The following GEMIN5 variants were observed in gnomAD, a reference collection of about 807,000 sequenced individuals.
The protein encoded by GEMIN5 is gem nuclear organelle associated protein 5, also known as gem-associated protein 5.
In GEMIN5, 124 loss-of-function variants were observed where a neutral mutation model predicts 176.9. That is an observed-to-expected ratio of 0.70 (90% CI 0.61 to 0.81). The LOEUF (loss-of-function observed/expected upper bound fraction) is 0.81. Ranked by LOEUF, GEMIN5 falls within the 40% of genes least tolerant of loss-of-function variation. GEMIN5 has a pLI of 0.00. For missense variants in GEMIN5, 1,843 were observed against 1,814.6 expected, an observed-to-expected ratio of 1.02 and a Z score of -0.28; for synonymous variants, 673 against 665.2, an observed-to-expected ratio of 1.01 and a Z score of -0.18.
chr5:154,914,635 T>A lies in GEMIN5; in HGVS notation c.1856-1597A>T, dbSNP rs529089111. On this transcript the variant is annotated intron_variant, in intron 13 of 27. Coordinates refer to ENST00000285873, the MANE Select transcript of GEMIN5 (RefSeq NM_015465.5). Reference sequence around the variant, plus strand: ...CTCAAGGGATCCTCCCACCTCAGCCTGTGAGTAACTGGGCCTATAGGTACC... The same window carrying A: ...CTCAAGGGATCCTCCCACCTCAGCCAGTGAGTAACTGGGCCTATAGGTACC... 5.3e-5 allele frequency among the ~76,000 whole-genome samples: 8 copies of A among 151,936 alleles called. No homozygotes were observed. In the East Asian group the frequency reaches 1.5e-3, roughly 29 times the overall value.
At chr5:154,914,247 C>T (rs890193206) in intron 13 of GEMIN5, among the ~76,000 whole-genome samples, 53 of 152,270 alleles carry the variant, frequency 3.5e-4, no homozygotes, top group Middle Eastern at 3.4e-3. Flanking sequence ...TTTCGAACTC[C>T]GGACCTCAGG....
Position 154,892,510 on chromosome 5 carries a change from G to C in GEMIN5, c.3637C>G (p.Leu1213Val). ...HICHDLTLAV[L>V]SQQMASWDEA... ...TCCCAGGAGGCCATCTGTTGGCTCA[G>C]CACTGCCAGGGTCAAGTCATGGCAA... Residue 1213 changes from leucine (L) to valine (V), a missense_variant, in exon 25 of 28, where the codon CTG becomes GTG. Coordinates refer to ENST00000285873, the MANE Select transcript of GEMIN5 (RefSeq NM_015465.5). 2 of 1,614,192 alleles carry C rather than the reference G, an allele frequency of 1.2e-6. No homozygotes were observed. Among genetic ancestry groups the C allele is most frequent in the Non-Finnish European group, 1.7e-6 (2 of 1,180,026 alleles).
chr5:154,925,208 A>G (rs2113502763), intron 8 of GEMIN5, among the ~76,000 whole-genome samples: 1 of 152,342 alleles, frequency 6.6e-6, no homozygotes, highest in South Asian at 2.1e-4. Flanking sequence ...TTTAGAAAAT[A>G]CAGTTCTATT....
At chr5:154,906,628 C>T (rs998089899) in intron 16 of GEMIN5, among the ~76,000 whole-genome samples, 14 of 152,090 alleles carry the variant, frequency 9.2e-5, no homozygotes, top group African/African-American at 3.1e-4. Context: ...CCAGGCTGGC[C>T]TCAAGCGGTT....
chr5:154,888,194 C>T lies in GEMIN5; in HGVS notation c.*16G>A. 3 of 1,613,042 alleles carry T rather than the reference C, an allele frequency of 1.9e-6. No individual in the cohort carries two copies. Among genetic ancestry groups the T allele is most frequent in the Non-Finnish European group, 2.5e-6 (3 of 1,179,094 alleles). On this transcript the variant is annotated 3_prime_UTR_variant, in exon 28 of 28. Transcript: ENST00000285873. ...AACATTTTCAATTTGGCAGTTTCTT[C>T]AAGGTGTGTGAAAATTCACATACAG...
chr5:154,901,286 G>A, intron 21 of GEMIN5, 53 bp downstream of exon 21: 1 of 1,495,010 alleles, frequency 6.7e-7, no homozygotes. Context: ...GAGAAGTTTA[G>A]GTTATTTTCA....
chr5:154,936,283 G>A (rs1375434940), intron 2 of GEMIN5, among the ~76,000 whole-genome samples: 1 of 152,132 alleles, frequency 6.6e-6, no homozygotes, highest in East Asian at 1.9e-4. Context: ...CGGGCGTGGT[G>A]GTGGGCTCCT....
intron 9 of GEMIN5, among the ~76,000 whole-genome samples, chr5:154,922,995 C>G (rs1018370146): frequency 3.3e-5 from 5 of 152,102 alleles, no homozygotes; most frequent in Non-Finnish European, 5.9e-5. Flanking sequence ...CGTGCCAGGC[C>G]TTAAAATAGT....
rs112749432 is a variant in GEMIN5, at chr5:154,907,880, T to C, written c.2168-62A>G. On this transcript the variant is annotated intron_variant, in intron 15 of 27. Coordinates refer to ENST00000285873, the MANE Select transcript of GEMIN5 (RefSeq NM_015465.5). The stretch of plus-strand genomic sequence containing the variant: ...CATTCTTGGTTAAAAGCACTCTAGG[T>C]GGTAAACTCCAATATCTCATTCCTC... 9.6e-5 allele frequency: 107 copies of C among 1,120,210 alleles called. No individual in the cohort carries two copies. In the African/African-American group the frequency reaches 1.5e-3, roughly 16 times the overall value. 69.4% of individuals were successfully genotyped at this position (1,120,210 alleles called of 1,614,324 possible).
chr5:154,898,418 G>A (rs774555529), intron 23 of GEMIN5, 22 bp downstream of exon 23: 11 of 1,577,430 alleles, frequency 7.0e-6, no homozygotes, highest in South Asian at 1.1e-5. Context: ...TTGTATACTA[G>A]GAGATGAAAT....
chr5:154,918,258 T>G (rs1247713425), intron 11 of GEMIN5, among the ~76,000 whole-genome samples: 1 of 152,168 alleles, frequency 6.6e-6, no homozygotes, highest in Non-Finnish European at 1.5e-5. Flanking sequence ...GTGCTTAACC[T>G]TGTGAAATAT....
chr5:154,924,689 G>C, intron 8 of GEMIN5, 135 bp from the exon 9 acceptor site: 1 of 647,950 alleles, frequency 1.5e-6, no homozygotes, highest in South Asian at 1.9e-5. Flanking sequence ...AGGAGAAAAA[G>C]GGTATTAAAA....
intron 13 of GEMIN5, among the ~76,000 whole-genome samples, chr5:154,916,764 G>A (rs1450487223): frequency 6.6e-6 from 1 of 152,110 alleles, no homozygotes; most frequent in Non-Finnish European, 1.5e-5. Context: ...TAAAGTGCCA[G>A]GATTACAGGT....
At position 154,891,663 on chromosome 5, in the gene GEMIN5, A is replaced by T; in HGVS notation, c.3840T>A (p.Phe1280Leu). The T allele has an allele frequency of 6.2e-7, 1 of 1,612,224 alleles. No individual in the cohort carries two copies. Among genetic ancestry groups the T allele is most frequent in the Non-Finnish European group, 8.5e-7 (1 of 1,179,474 alleles). ...TPAFKSLEAF[F>L]LYGRLYEFWW... is the part of the protein sequence containing the mutation. ...AGAATTCATACAGACGCCCATAAAGAAAAAAGGCCTCCAAACTTTTGAAAG... is the reference window on the plus strand; with the variant it reads ...AGAATTCATACAGACGCCCATAAAGTAAAAAGGCCTCCAAACTTTTGAAAG... Residue 1280 changes from phenylalanine (F) to leucine (L), a missense_variant, in exon 26 of 28, where the codon TTT becomes TTA. Coordinates refer to ENST00000285873, the MANE Select transcript of GEMIN5 (RefSeq NM_015465.5).
At chr5:154,898,295 A>G (rs552571571) in intron 23 of GEMIN5, 145 bp downstream of exon 23, 33 of 705,566 alleles carry the variant, frequency 4.7e-5, no homozygotes, top group Admixed American at 8.6e-5. Flanking sequence ...AAGTCATAGT[A>G]CTTCAGTGGG....
At chr5:154,905,195 AAAAC>A (rs1282620745) in intron 17 of GEMIN5, among the ~76,000 whole-genome samples, 164 bp downstream of exon 17, 1 of 152,202 alleles carries the variant, frequency 6.6e-6, no homozygotes, top group Non-Finnish European at 1.5e-5. Flanking sequence ...AATCTGTCTC[AAAAC>A]AAACAAAAAA....
At chr5:154,894,386 T>C (rs1763304771) in intron 24 of GEMIN5, among the ~76,000 whole-genome samples, 1 of 152,234 alleles carries the variant, frequency 6.6e-6, no homozygotes, top group African/African-American at 2.4e-5. Flanking sequence ...TGTGTACAAG[T>C]CTTTGTGTGG....
intron 15 of GEMIN5, among the ~76,000 whole-genome samples, chr5:154,908,313 T>G (rs1302162722): frequency 2.6e-5 from 4 of 151,728 alleles, no homozygotes; most frequent in Non-Finnish European, 4.4e-5. Context: ...CCTGAGTAGC[T>G]GGGATTACAG....
At chr5:154,892,980 C>T (rs962180201) in intron 24 of GEMIN5, among the ~76,000 whole-genome samples, 3 of 152,060 alleles carry the variant, frequency 2.0e-5, no homozygotes, top group Non-Finnish European at 4.4e-5. Context: ...GCCTGTAGTC[C>T]CAGCTACTCG....
Sources: allele counts gnomAD v4.1 joint callset (sites outside exome capture counted in the v4.1 genomes callset), GRCh38; gene constraint gnomAD v4.1.1; transcripts MANE v1.5; gene names NCBI Gene and HGNC (gene_info 2026-07-23, HGNC 2026-07-21).